Variants in CENPP observed in about 807,000 individuals in gnomAD.
CENPP encodes centromere protein P.
Under a neutral mutation model 35.6 loss-of-function variants are expected in CENPP, and 24 were observed. That is an observed-to-expected ratio of 0.67 (90% confidence interval 0.49 to 0.95). The LOEUF is 0.95. Ranked by LOEUF, CENPP falls within the 40% of genes least tolerant of loss-of-function variation. The pLI, the probability that CENPP is intolerant of heterozygous loss-of-function variation, is 0.00. For missense variants in CENPP, 332 were observed against 345.3 expected (o/e 0.96, Z 0.31); for synonymous variants, 120 against 125.5 (o/e 0.96, Z 0.29).
intron 5 of CENPP, among the ~76,000 whole-genome samples, chr9:92,382,873 C>G (rs1200674250): frequency 1.4e-5 from 2 of 146,584 alleles, no homozygotes; most frequent in African/African-American, 5.0e-5. Context: ...TGTACTTACG[C>G]TAGTACCACA....
rs897247085 is a variant in CENPP at position 92,614,960 on chromosome 9, G to C, written c.*1811G>C. On this transcript the variant is annotated 3_prime_UTR_variant, in exon 8 of 8. Coordinates refer to ENST00000375587, the MANE Select transcript of CENPP (RefSeq NM_001012267.3). ...CCCGAGGGAGGAACTTGGTCTGGGA[G>C]GAAGAGAGAACTCGCTCCTCAACCA... 3 of 152,298 alleles carry C rather than the reference G, an allele frequency of 2.0e-5. No homozygotes were observed. The highest frequency in any genetic ancestry group is 4.4e-5 in the Non-Finnish European group (3 of 68,058). 9.4% of individuals were successfully genotyped at this position (152,298 alleles called of 1,614,324 possible). A position where few individuals can be genotyped will look rare whatever the true frequency, so the allele number is the denominator to read the frequency against.
chr9:92,547,293 T>A (rs1218374766), intron 5 of CENPP, among the ~76,000 whole-genome samples: 2 of 152,244 alleles, frequency 1.3e-5, no homozygotes, highest in African/African-American at 4.8e-5. Flanking sequence ...ATGCTTCAAC[T>A]ACTAGCTGTA....
intron 5 of CENPP, chr9:92,400,983 C>A (rs1433034718): frequency 1.7e-6 from 1 of 578,708 alleles, no homozygotes; most frequent in African/African-American, 1.9e-5. Context: ...TAAAATTCCA[C>A]TGTTTGTATT....
intron 3 of CENPP, among the ~76,000 whole-genome samples, chr9:92,344,819 A>G (rs2130801984): frequency 6.7e-6 from 1 of 150,276 alleles, no homozygotes; most frequent in African/African-American, 2.4e-5. Context: ...AAAGTGCTGG[A>G]TTACAGGCGT....
At chr9:92,395,636 A>G (rs1425583672) in intron 5 of CENPP, among the ~76,000 whole-genome samples, 1 of 152,214 alleles carries the variant, frequency 6.6e-6, no homozygotes, top group African/African-American at 2.4e-5. Context: ...CCAGCAGCAT[A>G]TGAGAGTTCC....
chr9:92,555,003 TTTGTTGTTGTTGTTG>T (rs57027847), intron 5 of CENPP, among the ~76,000 whole-genome samples: 2 of 149,708 alleles, frequency 1.3e-5, no homozygotes, highest in African/African-American at 2.5e-5. Flanking sequence ...GTCTGTATTG[TTTGTTGTTGTTGTTG>T]TTGTTGTTGT....
In CENPP at chr9:92,615,719, G is replaced by A; in HGVS notation, c.*2570G>A. The A allele has an allele frequency of 2.5e-6, 2 of 786,686 alleles. No individual in the cohort carries two copies. Among genetic ancestry groups the A allele is most frequent in the Middle Eastern group, 3.7e-4 (1 of 2,684 alleles). 48.7% of individuals were successfully genotyped at this position (786,686 alleles called of 1,614,324 possible). ...TCCAAGAGGCAATCCCACCTCAAAA[G>A]GGGTTAAAAGCAAAAACATTCACAA... On this transcript the variant is annotated 3_prime_UTR_variant, in exon 8 of 8. Transcript: ENST00000375587.
At chr9:92,357,202 G>GTTC (rs111456792) in intron 4 of CENPP, among the ~76,000 whole-genome samples, 5,386 of 149,140 alleles carry the variant, frequency 0.036, 129 homozygotes, top group South Asian at 0.087. Context: ...CTTTTTTTTT[G>GTTC]TTTTTTTAAA....
rs534840269 is a variant in CENPP, at chr9:92,619,617, C to A, written c.*6468C>A. On this transcript the variant is annotated 3_prime_UTR_variant, in exon 8 of 8. Transcript: ENST00000375587. ...AGGTCACACAGGAAGCCTCTGCCCC[C>A]CCACACAACCTTCCTTCCCAGTAGC... 6.9e-7 allele frequency: 1 copy of A among 1,454,742 alleles called. No individual in the cohort carries two copies. The allele number at this position is 1,454,742 out of a possible 1,614,324, so 90.1% of individuals were successfully genotyped here. A position where few individuals can be genotyped will look rare whatever the true frequency, so the allele number is the denominator to read the frequency against.
At chr9:92,482,808 T>C (rs1371335656) in intron 5 of CENPP, among the ~76,000 whole-genome samples, 3 of 152,184 alleles carry the variant, frequency 2.0e-5, no homozygotes, top group Non-Finnish European at 2.9e-5. Flanking sequence ...GATACCAACA[T>C]TACTGAAGTA....
chr9:92,518,541 C>T (rs1847869620), intron 5 of CENPP, among the ~76,000 whole-genome samples: 1 of 152,142 alleles, frequency 6.6e-6, no homozygotes, highest in Non-Finnish European at 1.5e-5. Context: ...TGAGCTATGT[C>T]TTTTATGGTT....
chr9:92,559,670 T>A (rs1395241123), intron 5 of CENPP, among the ~76,000 whole-genome samples: 4 of 152,294 alleles, frequency 2.6e-5, no homozygotes, highest in Admixed American at 6.5e-5. Context: ...TTTTCTTTTT[T>A]AATTTTTTTT....
intron 4 of CENPP, among the ~76,000 whole-genome samples, chr9:92,353,940 AC>A (rs974569571): frequency 1.3e-5 from 2 of 152,112 alleles, no homozygotes; most frequent in Non-Finnish European, 2.9e-5. Context: ...AAGTATTGTC[AC>A]CTAGTTAGCA....
chr9:92,428,376 C>T (rs1031516254), intron 5 of CENPP, among the ~76,000 whole-genome samples: 6 of 152,134 alleles, frequency 3.9e-5, no homozygotes, highest in Non-Finnish European at 8.8e-5. Flanking sequence ...GTTCCAGCAT[C>T]TTTATACTCA....
chr9:92,356,939 T>C (rs1152761), intron 4 of CENPP, among the ~76,000 whole-genome samples: 137,222 of 152,244 alleles, frequency 0.9, 62,077 homozygotes, highest in African/African-American at 0.98. Context: ...ATTGATGTTA[T>C]GAACTTGTAT....
At position 92,340,189 on chromosome 9, in the gene CENPP, T is replaced by C. The variant is rs1403061039; in HGVS notation, c.378+2560T>C. 2.6e-5 allele frequency: 4 copies of C among 152,728 alleles called. No individual in the cohort carries two copies. The South Asian group carries it at 6.2e-4, about 24-fold the overall frequency. 9.5% of individuals were successfully genotyped at this position (152,728 alleles called of 1,614,324 possible). The stretch of plus-strand genomic sequence containing the variant: ...TAGGTTATGCGGAGAGAAGCTCCGT[T>C]GTGGGCAGAATTAGTCTTGTCCTTG... On this transcript the variant is annotated intron_variant, in intron 3 of 7. Coordinates refer to ENST00000375587, the MANE Select transcript of CENPP (RefSeq NM_001012267.3).
chr9:92,532,595 C>G (rs1588244683), intron 5 of CENPP, among the ~76,000 whole-genome samples: 1 of 152,118 alleles, frequency 6.6e-6, no homozygotes, highest in Non-Finnish European at 1.5e-5. Flanking sequence ...CATTGATACT[C>G]TCTTCATCTG....
chr9:92,394,627 T>A (rs373281070), intron 5 of CENPP, among the ~76,000 whole-genome samples: 1 of 151,958 alleles, frequency 6.6e-6, no homozygotes, highest in Non-Finnish European at 1.5e-5. Context: ...TTTTTTGAGA[T>A]GAAGTCTCGC....
At chr9:92,534,538 T>C (rs919848321) in intron 5 of CENPP, among the ~76,000 whole-genome samples, 4 of 152,254 alleles carry the variant, frequency 2.6e-5, no homozygotes, top group African/African-American at 9.6e-5. Flanking sequence ...AAATGACCTA[T>C]ATTTCATAGG....
Sources: allele counts gnomAD v4.1 joint callset (sites outside exome capture counted in the v4.1 genomes callset), GRCh38; gene constraint gnomAD v4.1.1; transcripts MANE v1.5; gene names NCBI Gene and HGNC (gene_info 2026-07-23, HGNC 2026-07-21).